SDHAF3: variants seen among roughly 807,000 people sequenced by gnomAD.
SDHAF3 encodes succinate dehydrogenase assembly factor 3, mitochondrial.
Under a neutral mutation model 11.5 loss-of-function variants are expected in SDHAF3, and 18 were observed. The observed-to-expected ratio is 1.56, with a 90% CI of 1.08 to 2.32. The LOEUF is 2.32. SDHAF3 is among the 30% of genes most tolerant of loss of function. The pLI, the probability that SDHAF3 is intolerant of heterozygous loss-of-function variation, is 0.00. For missense variants in SDHAF3, 200 were observed against 154.4 expected (o/e 1.30, Z -1.57); for synonymous variants, 72 against 59.3 (o/e 1.21, Z -0.99).
intron 1 of SDHAF3, among the ~76,000 whole-genome samples, chr7:97,134,452 AACTTT>A: frequency 6.6e-6 from 1 of 152,282 alleles, no homozygotes; most frequent in East Asian, 1.9e-4. Flanking sequence ...GAGTGAAAAG[AACTTT>A]CGTTTTTGAG....
intron 1 of SDHAF3, among the ~76,000 whole-genome samples, chr7:97,176,467 C>T (rs1000625848): frequency 6.6e-6 from 1 of 152,134 alleles, no homozygotes; most frequent in Non-Finnish European, 1.5e-5. Context: ...GGTAGATATG[C>T]TTGGCGGGGT....
At chr7:97,157,319 C>G (rs558154377) in intron 1 of SDHAF3, among the ~76,000 whole-genome samples, 6 of 152,246 alleles carry the variant, frequency 3.9e-5, no homozygotes, top group African/African-American at 1.4e-4. Context: ...CCTTCTATTT[C>G]CTGACAAACA....
intron 1 of SDHAF3, among the ~76,000 whole-genome samples, chr7:97,178,511 A>T (rs1346389686): frequency 1.3e-5 from 2 of 152,166 alleles, no homozygotes; most frequent in Admixed American, 1.3e-4. Flanking sequence ...ATTCTAGTTT[A>T]TTCCAACTGT....
At chr7:97,167,535 C>A (rs867595999) in intron 1 of SDHAF3, among the ~76,000 whole-genome samples, 1 of 152,122 alleles carries the variant, frequency 6.6e-6, no homozygotes, top group Non-Finnish European at 1.5e-5. Context: ...TTTATCAAAA[C>A]GGGAATTGCC....
intron 1 of SDHAF3, among the ~76,000 whole-genome samples, chr7:97,124,284 T>G (rs1791542410): frequency 6.6e-6 from 1 of 152,314 alleles, no homozygotes; most frequent in South Asian, 2.1e-4. Context: ...GTCAGGTTTG[T>G]CAAAGATGAG....
At chr7:97,146,199 T>C (rs1789131621) in intron 1 of SDHAF3, among the ~76,000 whole-genome samples, 1 of 152,146 alleles carries the variant, frequency 6.6e-6, no homozygotes, top group African/African-American at 2.4e-5. Context: ...TTTTGGCCAG[T>C]AATATTCTGG....
chr7:97,150,630 C>G (rs1473851415), intron 1 of SDHAF3, among the ~76,000 whole-genome samples: 2 of 141,598 alleles, frequency 1.4e-5, no homozygotes, highest in Non-Finnish European at 3.0e-5. Flanking sequence ...GTGGCCTGAT[C>G]TCAGCTCACT....
In SDHAF3 at chr7:97,117,738, C is replaced by T. The variant is rs776532005; in HGVS notation, c.15C>T (p.His5=). 3 of 1,613,094 alleles carry T rather than the reference C, an allele frequency of 1.9e-6. No individual in the cohort carries two copies. The highest frequency in any genetic ancestry group is 1.7e-6 in the Non-Finnish European group (2 of 1,179,552). The change falls in exon 1 of 2, where the codon CAC becomes CAT. Residue 5 remains histidine (H), a synonymous_variant. Coordinates refer to ENST00000432641, the MANE Select transcript of SDHAF3 (RefSeq NM_020186.3). ...CGTGGGGCGCTATGCCGGGGCGGCA[C>T]GTTTCTCGAGTCCGGGCATTGTACA... is the stretch of plus-strand genomic sequence containing the variant. The part of the protein sequence containing the change: MPGR[H]VSRVRALYKR...
intron 1 of SDHAF3, among the ~76,000 whole-genome samples, chr7:97,149,691 ATT>A (rs1789188975): frequency 6.6e-6 from 1 of 152,182 alleles, no homozygotes; most frequent in Non-Finnish European, 1.5e-5. Flanking sequence ...AAGTCATAAT[ATT>A]TTTACTGATC....
intron 1 of SDHAF3, among the ~76,000 whole-genome samples, chr7:97,168,750 A>G (rs1789555552): frequency 6.6e-6 from 1 of 152,162 alleles, no homozygotes; most frequent in Non-Finnish European, 1.5e-5. Flanking sequence ...TGTTTTCTTC[A>G]TGCCTTTTAC....
rs931893895 is a variant in SDHAF3, at chr7:97,167,829, C to A, written c.175-13183C>A. Among the ~76,000 whole-genome samples, 116 of 152,296 alleles carry A rather than the reference C, an allele frequency of 7.6e-4. 1 individual carries two copies. The highest frequency in any genetic ancestry group is 2.6e-4 in the Non-Finnish European group (18 of 68,026). ...CAGGGGCTGCAAAACAAGCACTGAT[C>A]TTGACAGAGGCAGGAGGCAGACAAA... On this transcript the variant is annotated intron_variant, in intron 1 of 1. Transcript: ENST00000432641.
intron 1 of SDHAF3, among the ~76,000 whole-genome samples, chr7:97,166,097 A>C (rs1789500368): frequency 6.6e-6 from 1 of 152,214 alleles, no homozygotes; most frequent in African/African-American, 2.4e-5. Context: ...TCCAAATAGA[A>C]TATATGGCTG....
chr7:97,120,849 A>G (rs1019326611), intron 1 of SDHAF3, among the ~76,000 whole-genome samples: 1 of 152,214 alleles, frequency 6.6e-6, no homozygotes, highest in Non-Finnish European at 1.5e-5. Flanking sequence ...TATTTGGAAG[A>G]GAGTTCTCTA....
At chr7:97,141,976 A>G (rs1349549245) in intron 1 of SDHAF3, among the ~76,000 whole-genome samples, 1 of 151,826 alleles carries the variant, frequency 6.6e-6, no homozygotes, top group African/African-American at 2.4e-5. Flanking sequence ...TTTTTTGACA[A>G]AGACCAAATA....
At chr7:97,178,768 T>G (rs1246339691) in intron 1 of SDHAF3, among the ~76,000 whole-genome samples, 1 of 152,168 alleles carries the variant, frequency 6.6e-6, no homozygotes. Context: ...AGATACGATT[T>G]GCAAATTTTT....
chr7:97,168,328 A>G (rs961416277), intron 1 of SDHAF3, among the ~76,000 whole-genome samples: 6 of 152,210 alleles, frequency 3.9e-5, no homozygotes, highest in East Asian at 1.9e-4. Flanking sequence ...CTCCAGCTGC[A>G]TGAGTCTGAA....
At position 97,169,630 on chromosome 7, in the gene SDHAF3, A is replaced by AT. The variant is rs796721357; in HGVS notation, c.175-11375dup. The stretch of plus-strand genomic sequence containing the variant: ...TGCATCATGTCCTTTAGTTTATATA[A>AT]TTTTTTTAAATATAGAATTAACCTG... On this transcript the variant is annotated intron_variant, in intron 1 of 1. Coordinates refer to ENST00000432641, the MANE Select transcript of SDHAF3 (RefSeq NM_020186.3). Among the ~76,000 whole-genome samples the AT allele has an allele frequency of 2.5e-3, 379 of 152,176 alleles. 2 individuals carry two copies. The highest frequency in any genetic ancestry group is 8.7e-3 in the African/African-American group (363 of 41,566).
In SDHAF3 at chr7:97,139,101, C is replaced by T. The variant is rs11984263; in HGVS notation, c.174+21204C>T. ...CATCTCACTGCATGGGGGCGCTGCC[C>T]GGTGCCGGCAGAAGGCCACAGTGTT... On this transcript the variant is annotated intron_variant, in intron 1 of 1. Coordinates refer to ENST00000432641, the MANE Select transcript of SDHAF3 (RefSeq NM_020186.3). 5.4e-3 allele frequency among the ~76,000 whole-genome samples: 830 copies of T among 152,384 alleles called. 8 individuals are homozygous for T. The highest frequency in any genetic ancestry group is 0.017 in the African/African-American group (724 of 41,594).
intron 1 of SDHAF3, among the ~76,000 whole-genome samples, chr7:97,128,446 TG>T (rs1470885630): frequency 1.3e-5 from 2 of 152,310 alleles, no homozygotes; most frequent in Admixed American, 6.5e-5. Flanking sequence ...ATTGACTTTA[TG>T]GTATGTTACT....
Sources: gnomAD v4.1 joint callset for allele counts (sites outside exome capture counted in the v4.1 genomes callset) on GRCh38, gnomAD v4.1.1 for gene constraint, MANE v1.5 for transcripts, NCBI Gene and HGNC (gene_info 2026-07-23, HGNC 2026-07-21) for gene names.